The following PDHX variants were observed in gnomAD, a reference collection of about 807,000 sequenced individuals.
PDHX encodes the protein pyruvate dehydrogenase complex component X.
A neutral mutation model predicts 55.3 loss-of-function variants in PDHX; 33 were observed. That is an observed-to-expected ratio of 0.60 (90% CI 0.45 to 0.80). The LOEUF (loss-of-function observed/expected upper bound fraction) is 0.80, where lower values mean the gene tolerates loss of function less well. PDHX is among the 30% of genes least tolerant of loss of function. The pLI is 0.00. For synonymous variants in PDHX, 226 were observed against 219.4 expected, an observed-to-expected ratio of 1.03 and a Z score of -0.27; for missense variants, 622 against 619.9, an observed-to-expected ratio of 1.00 and a Z score of -0.04.
chr11:34,995,881 A>G lies in PDHX; in HGVS notation c.*709A>G, dbSNP rs762642480. ...CAAAAAAATGGTTCAATGAAAAACTATAGCTAAAATATGTAAACCTTTCTA... is the reference window on the plus strand; with the variant it reads ...CAAAAAAATGGTTCAATGAAAAACTGTAGCTAAAATATGTAAACCTTTCTA... On this transcript the variant is annotated 3_prime_UTR_variant, in exon 11 of 11. Coordinates refer to ENST00000227868, the MANE Select transcript of PDHX (RefSeq NM_003477.3). The G allele has an allele frequency of 4.6e-5, 7 of 152,308 alleles. No homozygotes were observed. The highest frequency in any genetic ancestry group is 1.4e-4 in the African/African-American group (6 of 41,468). 9.4% of individuals were successfully genotyped at this position (152,308 alleles called of 1,614,324 possible).
intron 5 of PDHX, among the ~76,000 whole-genome samples, chr11:34,964,050 A>G (rs1448326468): frequency 6.6e-6 from 1 of 152,230 alleles, no homozygotes; most frequent in Non-Finnish European, 1.5e-5. Flanking sequence ...AACCCAGTAG[A>G]GAAGGTTGTA....
At chr11:34,980,141 G>T (rs545463251) in intron 8 of PDHX, among the ~76,000 whole-genome samples, 4 of 90,552 alleles carry the variant, frequency 4.4e-5, no homozygotes, top group African/African-American at 1.4e-4. Flanking sequence ...AAACTTACTA[G>T]CCTAGAGTCA....
intron 8 of PDHX, among the ~76,000 whole-genome samples, chr11:34,981,636 A>G (rs1855515757): frequency 1.3e-5 from 2 of 151,974 alleles, no homozygotes; most frequent in African/African-American, 4.8e-5. Context: ...AAGTGTTCCT[A>G]TTTCTCCACA....
intron 2 of PDHX, among the ~76,000 whole-genome samples, chr11:34,941,074 C>CTTAA (rs5791023): frequency 0.8 from 120,826 of 151,686 alleles, 48,308 homozygotes; most frequent in African/African-American, 0.83. Context: ...AGCTACTAGA[C>CTTAA]TTTAAGAAGC....
chr11:34,994,069 T>A (rs772639199), intron 10 of PDHX, among the ~76,000 whole-genome samples: 4 of 152,222 alleles, frequency 2.6e-5, no homozygotes, highest in Non-Finnish European at 5.9e-5. Context: ...TGCCACTTTA[T>A]GATGGGGATA....
At chr11:34,994,236 A>T (rs139726889) in intron 10 of PDHX, among the ~76,000 whole-genome samples, 14 of 152,352 alleles carry the variant, frequency 9.2e-5, no homozygotes, top group African/African-American at 3.4e-4. Flanking sequence ...CCTAGACTGC[A>T]AACCTATACA....
intron 5 of PDHX, among the ~76,000 whole-genome samples, chr11:34,964,628 A>C (rs1001980074): frequency 3.3e-5 from 5 of 152,090 alleles, no homozygotes; most frequent in African/African-American, 1.2e-4. Context: ...TAAAATCAGC[A>C]ATACAAGTTT....
intron 7 of PDHX, among the ~76,000 whole-genome samples, chr11:34,972,554 T>G (rs77455824): frequency 6.6e-6 from 1 of 151,928 alleles, no homozygotes; most frequent in Non-Finnish European, 1.5e-5. Context: ...CAAACCACCA[T>G]GCCTGGCTAA....
chr11:34,930,682 T>TA (rs1382936116), intron 1 of PDHX, among the ~76,000 whole-genome samples: 1 of 152,218 alleles, frequency 6.6e-6, no homozygotes, highest in Non-Finnish European at 1.5e-5. Context: ...GCCGGACAAA[T>TA]ACATAGTGTT....
intron 9 of PDHX, among the ~76,000 whole-genome samples, chr11:34,988,139 A>T (rs1855690299): frequency 6.6e-6 from 1 of 152,180 alleles, no homozygotes; most frequent in Non-Finnish European, 1.5e-5. Flanking sequence ...GAGAGAAAAA[A>T]CTAATTCATA....
At chr11:34,941,499 A>G (rs2915191) in intron 2 of PDHX, among the ~76,000 whole-genome samples, 120,054 of 152,134 alleles carry the variant, frequency 0.79, 47,529 homozygotes, top group East Asian at 0.8. Context: ...GATTATTGTT[A>G]TCATTATGGT....
chr11:34,970,107 G>A, intron 6 of PDHX, 32 bp from the exon 7 acceptor site: 1 of 1,603,128 alleles, frequency 6.2e-7, no homozygotes, highest in Non-Finnish European at 8.5e-7. Flanking sequence ...TTCCACTTGT[G>A]GTTTAACGGA....
intron 2 of PDHX, among the ~76,000 whole-genome samples, chr11:34,944,637 G>C (rs1341216571): frequency 6.6e-6 from 1 of 152,122 alleles, no homozygotes; most frequent in Non-Finnish European, 1.5e-5. Flanking sequence ...TGAACGTTCA[G>C]AGCATATTTG....
chr11:34,936,170 T>C (rs183917868), intron 2 of PDHX, among the ~76,000 whole-genome samples: 9 of 152,144 alleles, frequency 5.9e-5, no homozygotes, highest in Admixed American at 5.2e-4. Context: ...GTCTGGGGTG[T>C]AAGGAAAGGC....
chr11:34,923,697 A>G (rs985658272), intron 1 of PDHX, among the ~76,000 whole-genome samples: 1 of 152,234 alleles, frequency 6.6e-6, no homozygotes, highest in African/African-American at 2.4e-5. Context: ...TTTATCTACT[A>G]CTGTCTAGTA....
chr11:34,957,457 A>G lies in PDHX; in HGVS notation c.416A>G (p.Lys139Arg), dbSNP rs762775345. ...ATAGTAGAAGAAGGAGAAGATTGGA[A>G]ACATGTTGAAATTCCCAAAGACGTA... ...GLIVEEGEDW[K>R]HVEIPKDVGP... The change falls in exon 4 of 11, where the codon AAA becomes AGA. Residue 139 changes from lysine to arginine, a missense_variant. Physicochemically the swap from Lys to Arg is conservative, Grantham distance 26. Coordinates refer to ENST00000227868, the MANE Select transcript of PDHX (RefSeq NM_003477.3). The G allele has an allele frequency of 1.9e-6, 3 of 1,613,804 alleles. No individual in the cohort carries two copies. In the Admixed American group the frequency reaches 5.0e-5, roughly 27 times the overall value.
chr11:34,949,957 A>T lies in PDHX; in HGVS notation c.342+2351A>T, dbSNP rs3852518. Among the ~76,000 whole-genome samples, 705 of 152,204 alleles carry T rather than the reference A, an allele frequency of 4.6e-3. 4 individuals are homozygous for T. The highest frequency in any genetic ancestry group is 7.4e-3 in the Admixed American group (113 of 15,300). On this transcript the variant is annotated intron_variant, in intron 3 of 10. Coordinates refer to ENST00000227868, the MANE Select transcript of PDHX (RefSeq NM_003477.3). Reference sequence around the variant, plus strand: ...ATGGATATTAAAACAAATTTTTTTTAAAAAAATGGTTTTTTAATTGATCAT... The same window carrying T: ...ATGGATATTAAAACAAATTTTTTTTTAAAAAATGGTTTTTTAATTGATCAT...
chr11:34,949,422 A>G (rs1291369201), intron 3 of PDHX, among the ~76,000 whole-genome samples: 1 of 148,324 alleles, frequency 6.7e-6, no homozygotes, highest in Non-Finnish European at 1.5e-5. Flanking sequence ...TATTTTTAGT[A>G]GAGACGGGTT....
intron 3 of PDHX, among the ~76,000 whole-genome samples, chr11:34,950,376 A>G (rs1323348216): frequency 6.7e-6 from 1 of 149,544 alleles, no homozygotes; most frequent in Middle Eastern, 3.2e-3. Context: ...TTATTTTATT[A>G]TTATTATTAT....
Sources: allele counts gnomAD v4.1 joint callset (sites outside exome capture counted in the v4.1 genomes callset), GRCh38; gene constraint gnomAD v4.1.1; transcripts MANE v1.5; gene names NCBI Gene and HGNC (gene_info 2026-07-23, HGNC 2026-07-21).